Variants in ADGRL4 observed in about 807,000 individuals in gnomAD.
ADGRL4 encodes EGF, latrophilin and seven transmembrane domain containing 1.
ADGRL4 carries 90 observed loss-of-function variants against 74.8 expected under a neutral mutation model. That is an observed-to-expected ratio of 1.20 (90% CI 1.02 to 1.43). ADGRL4 has a LOEUF of 1.43. ADGRL4 is among the 40% of genes most tolerant of loss of function. The pLI, the probability that ADGRL4 is intolerant of heterozygous loss-of-function variation, is 0.00. For synonymous variants in ADGRL4, 311 were observed against 279.2 expected, an observed-to-expected ratio of 1.11 and a Z score of -1.14; for missense variants, 881 against 814.3, an observed-to-expected ratio of 1.08 and a Z score of -1.00.
chr1:78,926,577 T>A (rs1274831094), intron 8 of ADGRL4, among the ~76,000 whole-genome samples: 2 of 152,020 alleles, frequency 1.3e-5, no homozygotes, highest in Non-Finnish European at 2.9e-5. Context: ...TGTGATACTT[T>A]TTAATAACTC....
rs183756260 is a variant in ADGRL4, at chr1:78,915,041, C to T, written c.1749+2593G>A. Among the ~76,000 whole-genome samples the T allele has an allele frequency of 2.0e-3, 303 of 151,982 alleles. 2 individuals carry two copies. Among genetic ancestry groups the T allele is most frequent in the African/African-American group, 6.9e-3 (288 of 41,512 alleles). ...GATGAATATCCATATCTCCATTCAA[C>T]CCATTCTCTTCATTGTACATATCTT... On this transcript the variant is annotated intron_variant, in intron 12 of 14. Coordinates refer to ENST00000370742, the MANE Select transcript of ADGRL4 (RefSeq NM_022159.4).
intron 12 of ADGRL4, among the ~76,000 whole-genome samples, chr1:78,904,707 A>G (rs538638654): frequency 1.3e-5 from 2 of 152,164 alleles, no homozygotes; most frequent in African/African-American, 4.8e-5. Context: ...CATAGGTTCA[A>G]ATTCCAGTTT....
intron 12 of ADGRL4, among the ~76,000 whole-genome samples, chr1:78,916,850 C>T (rs977915): frequency 0.48 from 72,537 of 151,586 alleles, 17,965 homozygotes; most frequent in Middle Eastern, 0.56. Context: ...GTCAGCCCTC[C>T]CAGATTCACT....
chr1:79,006,669 G>A lies in ADGRL4; in HGVS notation c.-15C>T. 2 of 1,491,808 alleles carry A rather than the reference G, an allele frequency of 1.3e-6. No homozygotes were observed. The highest frequency in any genetic ancestry group is 1.8e-6 in the Non-Finnish European group (2 of 1,122,662). 92.4% of individuals were successfully genotyped at this position (1,491,808 alleles called of 1,614,324 possible). A position where few individuals can be genotyped will look rare whatever the true frequency, so the allele number is the denominator to read the frequency against. On this transcript the variant is annotated 5_prime_UTR_variant, in exon 1 of 15. Coordinates refer to ENST00000370742, the MANE Select transcript of ADGRL4 (RefSeq NM_022159.4). ...AGGCGTTTCATTGGCGGTGGCCGCA[G>A]TGGTGGCGGTGGCGGAGAGCGCGGC...
chr1:78,993,171 C>T (rs944814348), intron 2 of ADGRL4, among the ~76,000 whole-genome samples: 1 of 151,746 alleles, frequency 6.6e-6, no homozygotes, highest in African/African-American at 2.4e-5. Context: ...TATATATTGG[C>T]AATACAAAAG....
chr1:78,903,309 A>G (rs1334774500), intron 12 of ADGRL4, among the ~76,000 whole-genome samples: 1 of 152,158 alleles, frequency 6.6e-6, no homozygotes, highest in East Asian at 1.9e-4. Context: ...AGATGTCTCC[A>G]AGTGCACTGT....
Position 78,927,052 on chromosome 1 carries a change from C to A in ADGRL4, c.917G>T (p.Gly306Val). The change falls in exon 8 of 15, where the codon GGT (glycine) becomes GTT (valine). Residue 306 changes from glycine (G) to valine (V), a missense_variant. By Grantham distance (109) the Gly-to-Val change is moderately radical. Coordinates refer to ENST00000370742, the MANE Select transcript of ADGRL4 (RefSeq NM_022159.4). ...GTTGTCAGATGATGAAAGCAAAGGA[C>A]CAATACTCTTATAATATACAAATGC... is the stretch of plus-strand genomic sequence containing the variant. The part of the protein sequence containing the change: ...AVAFVYYKSI[G>V]PLLSSSDNFL... 6.2e-7 allele frequency: 1 copy of A among 1,606,420 alleles called. No individual in the cohort carries two copies. Among genetic ancestry groups the A allele is most frequent in the Non-Finnish European group, 8.5e-7 (1 of 1,174,396 alleles).
intron 2 of ADGRL4, among the ~76,000 whole-genome samples, chr1:78,973,105 T>G (rs566237041): frequency 6.6e-6 from 1 of 152,146 alleles, no homozygotes; most frequent in African/African-American, 2.4e-5. Flanking sequence ...GTTTTAGTCT[T>G]TTTTCCTTAG....
chr1:78,936,216 A>C (rs983050295), intron 7 of ADGRL4, 79 bp downstream of exon 7: 2 of 1,435,718 alleles, frequency 1.4e-6, no homozygotes, highest in South Asian at 2.6e-5. Flanking sequence ...TTACATGTAC[A>C]TATGACATAA....
chr1:78,917,866 G>A lies in ADGRL4; in HGVS notation c.1646C>T (p.Ala549Val), dbSNP rs1190982262. 7 of 1,612,394 alleles carry A rather than the reference G, an allele frequency of 4.3e-6. No individual in the cohort carries two copies. The East Asian group carries it at 6.7e-5, about 15-fold the overall frequency. ...LSPAVVVGFSAALGYRYYGTT... is the reference protein window; with the variant it reads ...LSPAVVVGFSVALGYRYYGTT... ...GCCATAATATCTGTATCCTAGTGCT[G>A]CCGAAAATCCAACTACCACGGCTGG... The change falls in exon 11 of 15, where the codon GCA becomes GTA. Residue 549 changes from alanine to valine, a missense_variant. Coordinates refer to ENST00000370742, the MANE Select transcript of ADGRL4 (RefSeq NM_022159.4).
chr1:78,994,240 A>G (rs1374367406), intron 2 of ADGRL4, among the ~76,000 whole-genome samples: 1 of 152,230 alleles, frequency 6.6e-6, no homozygotes, highest in Admixed American at 6.5e-5. Context: ...TCATTTGGCT[A>G]TGATGGATGC....
intron 12 of ADGRL4, 38 bp downstream of exon 12, chr1:78,917,596 C>G (rs769361985): frequency 1.6e-5 from 22 of 1,388,986 alleles, no homozygotes; most frequent in Non-Finnish European, 2.1e-5. Flanking sequence ...ATGATCATCA[C>G]TTTTTTGAAT....
At chr1:78,990,234 T>C (rs1456910783) in intron 2 of ADGRL4, among the ~76,000 whole-genome samples, 1 of 151,934 alleles carries the variant, frequency 6.6e-6, no homozygotes, top group Non-Finnish European at 1.5e-5. Flanking sequence ...CTTCAGAATT[T>C]TATTTTTAAT....
intron 2 of ADGRL4, among the ~76,000 whole-genome samples, chr1:78,982,221 C>T (rs1456978853): frequency 6.6e-6 from 1 of 151,546 alleles, no homozygotes; most frequent in East Asian, 1.9e-4. Flanking sequence ...AAATATAAGC[C>T]ATTTTGCTCA....
At chr1:78,992,248 G>T (rs945941243) in intron 2 of ADGRL4, among the ~76,000 whole-genome samples, 3 of 151,846 alleles carry the variant, frequency 2.0e-5, no homozygotes, top group Non-Finnish European at 2.9e-5. Context: ...TCTGTCTTTC[G>T]GCAACTTATT....
chr1:78,905,178 T>C (rs1339584031), intron 12 of ADGRL4, among the ~76,000 whole-genome samples: 1 of 152,034 alleles, frequency 6.6e-6, no homozygotes, highest in Non-Finnish European at 1.5e-5. Flanking sequence ...ATTACTGAAA[T>C]GGATATAATT....
chr1:78,961,373 C>A (rs1022035371), intron 2 of ADGRL4, among the ~76,000 whole-genome samples: 2 of 152,076 alleles, frequency 1.3e-5, no homozygotes, highest in Non-Finnish European at 2.9e-5. Flanking sequence ...GGTCTCTTGA[C>A]CTCGTGATCC....
At chr1:78,900,986 C>T (rs1402120465) in intron 12 of ADGRL4, among the ~76,000 whole-genome samples, 1 of 151,064 alleles carries the variant, frequency 6.6e-6, no homozygotes, top group Non-Finnish European at 1.5e-5. Flanking sequence ...GATTTAAAAT[C>T]CAGTTTAAAA....
intron 2 of ADGRL4, among the ~76,000 whole-genome samples, chr1:78,997,454 GAGA>G (rs1359160729): frequency 6.6e-6 from 1 of 152,158 alleles, no homozygotes; most frequent in Non-Finnish European, 1.5e-5. Flanking sequence ...CCTACGAAAG[GAGA>G]AGAATTAGAG....
Sources: allele counts gnomAD v4.1 joint callset (sites outside exome capture counted in the v4.1 genomes callset), GRCh38; gene constraint gnomAD v4.1.1; transcripts MANE v1.5; gene names NCBI Gene and HGNC (gene_info 2026-07-23, HGNC 2026-07-21).